THSD7B: variants seen among roughly 807,000 people sequenced by gnomAD.
THSD7B encodes thrombospondin type-1 domain-containing protein 7B.
A neutral mutation model predicts 213.6 loss-of-function variants in THSD7B; 138 were observed. That is an observed-to-expected ratio of 0.65 (90% CI 0.56 to 0.74). THSD7B has a LOEUF of 0.74. Ranked by LOEUF, THSD7B falls within the 30% of genes least tolerant of loss-of-function variation. The pLI is 0.00. For missense variants in THSD7B, 1,931 were observed against 1,991.5 expected, an observed-to-expected ratio of 0.97 and a Z score of 0.58; for synonymous variants, 742 against 687.0, an observed-to-expected ratio of 1.08 and a Z score of -1.25.
intron 1 of THSD7B, among the ~76,000 whole-genome samples, chr2:136,846,354 C>T (rs1055856542): frequency 2.0e-5 from 3 of 152,004 alleles, no homozygotes; most frequent in African/African-American, 7.3e-5. Context: ...ACCTTTCATG[C>T]TTAGTGTTGT....
chr2:137,230,955 G>A (rs188238830), intron 7 of THSD7B, 89 bp from the exon 8 acceptor site: 11 of 1,204,944 alleles, frequency 9.1e-6, no homozygotes, highest in African/African-American at 1.5e-5. Flanking sequence ...TATCATTTTT[G>A]GGGGGGTACT....
chr2:137,555,973 C>T (rs561254311), intron 15 of THSD7B, among the ~76,000 whole-genome samples: 10 of 151,880 alleles, frequency 6.6e-5, no homozygotes, highest in East Asian at 1.9e-4. Flanking sequence ...TGAAATGTAG[C>T]GAGAAGAGAA....
At chr2:136,950,108 T>C (rs1255541427) in intron 2 of THSD7B, among the ~76,000 whole-genome samples, 1 of 151,966 alleles carries the variant, frequency 6.6e-6, no homozygotes, top group Non-Finnish European at 1.5e-5. Flanking sequence ...AAAAATTACC[T>C]GGATGTGGTG....
At chr2:137,113,120 C>T (rs1290447064) in intron 4 of THSD7B, among the ~76,000 whole-genome samples, 1 of 152,228 alleles carries the variant, frequency 6.6e-6, no homozygotes, top group East Asian at 1.9e-4. Flanking sequence ...GAAAGTTCTT[C>T]TTTTGGGGAA....
intron 2 of THSD7B, among the ~76,000 whole-genome samples, chr2:136,965,094 T>G (rs1179248412): frequency 1.6e-4 from 25 of 152,116 alleles, no homozygotes; most frequent in Admixed American, 1.6e-3. Flanking sequence ...TGCTCCATTG[T>G]TTTCCCACAG....
chr2:137,271,699 C>T (rs1392174603), intron 10 of THSD7B, among the ~76,000 whole-genome samples: 1 of 151,704 alleles, frequency 6.6e-6, no homozygotes, highest in Non-Finnish European at 1.5e-5. Flanking sequence ...ATGTCTGCCC[C>T]TTTTCTTCTT....
chr2:136,767,543 C>CT (rs1392834467), intron 1 of THSD7B, among the ~76,000 whole-genome samples: 1 of 151,482 alleles, frequency 6.6e-6, no homozygotes, highest in Non-Finnish European at 1.5e-5. Context: ...GTTAGAAACT[C>CT]TTTTTCATGC....
At chr2:137,077,075 G>A (rs1407783901) in intron 3 of THSD7B, among the ~76,000 whole-genome samples, 1 of 148,364 alleles carries the variant, frequency 6.7e-6, no homozygotes. Context: ...AACATGCAGT[G>A]TTTGGTTTTT....
rs1328763667 is a variant in THSD7B at position 137,289,927 on chromosome 2, TC to T, written c.2500+13903del. Among the ~76,000 whole-genome samples, 3 of 151,998 alleles carry T rather than the reference TC, an allele frequency of 2.0e-5. No individual in the cohort carries two copies. The East Asian group carries it at 5.8e-4, about 29-fold the overall frequency. On this transcript the variant is annotated intron_variant, in intron 12 of 27. Transcript: ENST00000409968. ...TGAGTTCAGGATTTGGAAAAGAAAATCCTTTTTTCTTTCTTCTAAACTCCAG... is the reference window on the plus strand; with the variant it reads ...TGAGTTCAGGATTTGGAAAAGAAAATCTTTTTTCTTTCTTCTAAACTCCAG...
chr2:137,209,464 T>G (rs13399307), intron 7 of THSD7B, among the ~76,000 whole-genome samples: 90,145 of 151,340 alleles, frequency 0.6, 27,227 homozygotes, highest in South Asian at 0.71. Context: ...GGGTGCCAGA[T>G]TTGTGAAACA....
At chr2:136,864,385 A>G (rs1461717945) in intron 1 of THSD7B, among the ~76,000 whole-genome samples, 1 of 152,208 alleles carries the variant, frequency 6.6e-6, no homozygotes, top group Admixed American at 6.5e-5. Flanking sequence ...TAAGAGGACA[A>G]AGAAGAATAA....
chr2:136,789,154 A>C (rs1178808262), intron 1 of THSD7B, among the ~76,000 whole-genome samples: 1 of 152,106 alleles, frequency 6.6e-6, no homozygotes, highest in Non-Finnish European at 1.5e-5. Context: ...TGAATAATTA[A>C]AATTATAACA....
At position 137,017,472 on chromosome 2, in the gene THSD7B, C is replaced by T. The variant is rs142585821; in HGVS notation, c.140-38948C>T. Among the ~76,000 whole-genome samples the T allele has an allele frequency of 1.4e-4, 22 of 152,064 alleles. No individual in the cohort carries two copies. In the East Asian group the frequency reaches 3.9e-3, roughly 27 times the overall value. The stretch of plus-strand genomic sequence containing the variant: ...TGGCTCAAGTGAGGTTGAAAGAGGG[C>T]GGAGCTTGGGAGTCTGGGTCTGATG... On this transcript the variant is annotated intron_variant, in intron 2 of 27. Transcript: ENST00000409968.
chr2:137,497,788 GT>G (rs1482151710), intron 15 of THSD7B, among the ~76,000 whole-genome samples: 1 of 152,054 alleles, frequency 6.6e-6, no homozygotes, highest in Non-Finnish European at 1.5e-5. Flanking sequence ...TGACAGAAAG[GT>G]TTCTTAACTC....
intron 2 of THSD7B, among the ~76,000 whole-genome samples, chr2:136,945,381 T>A (rs1038139472): frequency 6.6e-6 from 1 of 152,178 alleles, no homozygotes; most frequent in Non-Finnish European, 1.5e-5. Flanking sequence ...AACCCCACCT[T>A]TCTCTCTGGC....
chr2:137,422,498 G>T (rs1055477939), intron 14 of THSD7B, among the ~76,000 whole-genome samples: 1 of 152,164 alleles, frequency 6.6e-6, no homozygotes, highest in Non-Finnish European at 1.5e-5. Context: ...AGGAGCTCAT[G>T]TTGTCCAAGA....
intron 21 of THSD7B, among the ~76,000 whole-genome samples, chr2:137,645,536 A>G (rs1308762704): frequency 6.6e-6 from 1 of 152,204 alleles, no homozygotes; most frequent in African/African-American, 2.4e-5. Context: ...TGTCGAAGGT[A>G]TAAGCGATTA....
At chr2:137,201,899 A>G (rs1024316896) in intron 7 of THSD7B, among the ~76,000 whole-genome samples, 1 of 152,106 alleles carries the variant, frequency 6.6e-6, no homozygotes, top group Non-Finnish European at 1.5e-5. Context: ...AATCTTTATC[A>G]GCCGTTTGTG....
intron 20 of THSD7B, among the ~76,000 whole-genome samples, chr2:137,629,876 G>A (rs371241773): frequency 2.4e-4 from 37 of 152,276 alleles, no homozygotes; most frequent in African/African-American, 8.7e-4. Flanking sequence ...AGGCTGCTCA[G>A]TGTTCAATCT....
Sources: gnomAD v4.1 joint callset for allele counts (sites outside exome capture counted in the v4.1 genomes callset) on GRCh38, gnomAD v4.1.1 for gene constraint, MANE v1.5 for transcripts, NCBI Gene and HGNC (gene_info 2026-07-23, HGNC 2026-07-21) for gene names.